SESTD1: variants seen among roughly 807,000 people sequenced by gnomAD.
SESTD1 encodes the protein SEC14 domain and spectrin repeat-containing protein 1.
Under a neutral mutation model 101.7 loss-of-function variants are expected in SESTD1, and 43 were observed. The ratio of observed to expected loss-of-function variants is 0.42; its 90% CI spans 0.33 to 0.55. The LOEUF is 0.55. Among genes scored for constraint, SESTD1 ranks in the 20% least tolerant of loss-of-function variants. The probability of loss-of-function intolerance (pLI) is 0.07; values close to 1 mark genes in which losing one functional copy is unlikely to be tolerated. For missense variants in SESTD1, 647 were observed against 815.1 expected (o/e 0.79, Z 2.51); for synonymous variants, 283 against 286.8 (o/e 0.99, Z 0.13).
rs111428072 is a variant in SESTD1 at position 179,202,453 on chromosome 2, C to T, written c.-25-10587G>A. ...TGTTTTCCTCGAACATAATTTAATTCGGACCCTTGGCTTTTCTTGATATGT... is the reference window on the plus strand; with the variant it reads ...TGTTTTCCTCGAACATAATTTAATTTGGACCCTTGGCTTTTCTTGATATGT... On this transcript the variant is annotated intron_variant, in intron 1 of 17. Transcript: ENST00000428443. Among the ~76,000 whole-genome samples the T allele has an allele frequency of 6.0e-5, 8 of 134,202 alleles. 1 individual carries two copies. The highest frequency in any genetic ancestry group is 1.5e-4 in the African/African-American group (5 of 33,794). 88.0% of individuals were successfully genotyped at this position (134,202 alleles called of 152,430 possible).
intron 9 of SESTD1, among the ~76,000 whole-genome samples, chr2:179,139,763 T>A (rs1204074170): frequency 6.6e-6 from 1 of 152,048 alleles, no homozygotes; most frequent in African/African-American, 2.4e-5. Flanking sequence ...TGACTTCATC[T>A]CCCTTGCCTC....
At chr2:179,117,491 T>C in intron 14 of SESTD1, 41 bp downstream of exon 14, 1 of 1,500,126 alleles carries the variant, frequency 6.7e-7, no homozygotes, top group Non-Finnish European at 8.9e-7. Flanking sequence ...ATCAATCTTC[T>C]AAGAAAAGTT....
intron 9 of SESTD1, among the ~76,000 whole-genome samples, chr2:179,138,266 C>T (rs1050064810): frequency 5.3e-5 from 8 of 152,158 alleles, no homozygotes; most frequent in Non-Finnish European, 8.8e-5. Context: ...AATACATTAA[C>T]GCCTTTGCCC....
intron 2 of SESTD1, among the ~76,000 whole-genome samples, chr2:179,190,062 T>C (rs1334463120): frequency 6.6e-6 from 1 of 151,866 alleles, no homozygotes; most frequent in Non-Finnish European, 1.5e-5. Flanking sequence ...CTAAAGTTCA[T>C]ATGGAAACAA....
At chr2:179,140,823 T>C (rs1046970928) in intron 9 of SESTD1, among the ~76,000 whole-genome samples, 1 of 152,174 alleles carries the variant, frequency 6.6e-6, no homozygotes, top group Non-Finnish European at 1.5e-5. Context: ...TACTCAACCT[T>C]ACAACAGCGT....
At chr2:179,235,178 G>A (rs1007401213) in intron 1 of SESTD1, among the ~76,000 whole-genome samples, 3 of 152,156 alleles carry the variant, frequency 2.0e-5, no homozygotes, top group African/African-American at 4.8e-5. Context: ...TGATACTGAC[G>A]ATTATATTGT....
chr2:179,218,298 A>G (rs1371786900), intron 1 of SESTD1, among the ~76,000 whole-genome samples: 1 of 65,156 alleles, frequency 1.5e-5, no homozygotes, highest in Non-Finnish European at 3.4e-5. Context: ...AAAATACCTT[A>G]AAAAAAAAAC....
intron 1 of SESTD1, chr2:179,264,015 C>T (rs2047520063): frequency 6.6e-6 from 1 of 152,300 alleles, no homozygotes; most frequent in South Asian, 2.1e-4. Context: ...AGGAGCCAGT[C>T]GCGGGCGCTG....
intron 9 of SESTD1, among the ~76,000 whole-genome samples, chr2:179,134,693 G>A (rs1281681204): frequency 6.6e-6 from 1 of 152,008 alleles, no homozygotes; most frequent in Non-Finnish European, 1.5e-5. Flanking sequence ...GTCCAATGAT[G>A]ATGTAATACT....
chr2:179,161,347 A>G (rs555906094), intron 5 of SESTD1, among the ~76,000 whole-genome samples: 1 of 152,296 alleles, frequency 6.6e-6, no homozygotes, highest in South Asian at 2.1e-4. Context: ...ATTCATCACA[A>G]ATCATTTATA....
Position 179,202,623 on chromosome 2 carries a change from C to T in SESTD1, c.-25-10757G>A, listed in dbSNP as rs1044436978. Among the ~76,000 whole-genome samples, 8 of 134,596 alleles carry T rather than the reference C, an allele frequency of 5.9e-5. No homozygotes were observed. The East Asian group carries it at 1.6e-3, about 27-fold the overall frequency. 88.3% of individuals were successfully genotyped at this position (134,596 alleles called of 152,430 possible). A position where few individuals can be genotyped will look rare whatever the true frequency, so the allele number is the denominator to read the frequency against. ...TTTTCAGGTTACCTAAATGGGTTTC[C>T]AATAAGGAAAAACAGTCACAAAGCA... On this transcript the variant is annotated intron_variant, in intron 1 of 17. Transcript: ENST00000428443.
intron 4 of SESTD1, 100 bp from the exon 5 acceptor site, chr2:179,172,333 A>AT (rs1355109426): frequency 3.1e-6 from 2 of 644,852 alleles, no homozygotes; most frequent in South Asian, 3.7e-5. Context: ...TACATAAGAG[A>AT]TTTTTGGAGA....
At chr2:179,212,528 A>C (rs2046664437) in intron 1 of SESTD1, among the ~76,000 whole-genome samples, 1 of 135,954 alleles carries the variant, frequency 7.4e-6, no homozygotes, top group African/African-American at 2.9e-5. Flanking sequence ...AACAAGGCCT[A>C]TTGCCTCTAT....
intron 1 of SESTD1, among the ~76,000 whole-genome samples, chr2:179,237,583 G>A (rs1276776575): frequency 1.3e-5 from 2 of 152,254 alleles, no homozygotes; most frequent in East Asian, 1.9e-4. Flanking sequence ...AAATGGCTAA[G>A]TTTGGAGATA....
At position 179,212,536 on chromosome 2, in the gene SESTD1, T is replaced by C. The variant is rs1373687984; in HGVS notation, c.-25-20670A>G. 2.9e-5 allele frequency among the ~76,000 whole-genome samples: 4 copies of C among 136,126 alleles called. 1 individual carries two copies. The highest frequency in any genetic ancestry group is 4.0e-4 in the East Asian group (2 of 5,060). The allele number at this position is 136,126 out of a possible 152,430, so 89.3% of individuals were successfully genotyped here. On this transcript the variant is annotated intron_variant, in intron 1 of 17. Transcript: ENST00000428443. Reference sequence around the variant, plus strand: ...ACAGCTCAACAAGGCCTATTGCCTCTATAGACTCCACCTCTGTGGGCAGGG... The same window carrying C: ...ACAGCTCAACAAGGCCTATTGCCTCCATAGACTCCACCTCTGTGGGCAGGG...
At position 179,264,441 on chromosome 2, in the gene SESTD1, A is replaced by T. The variant is rs1457449027; in HGVS notation, c.-26+58T>A. ...CCGACTGCACCGGCCCAAGCCGGCC[A>T]CCCGGCCGCGGGGCCTGCGCGCTTC... On this transcript the variant is annotated intron_variant, in intron 1 of 17. Coordinates refer to ENST00000428443, the MANE Select transcript of SESTD1 (RefSeq NM_178123.5). 6 of 150,428 alleles carry T rather than the reference A, an allele frequency of 4.0e-5. No homozygotes were observed. In the South Asian group the frequency reaches 1.2e-3, roughly 30 times the overall value. The allele number at this position is 150,428 out of a possible 1,614,324, so 9.3% of individuals were successfully genotyped here. A position where few individuals can be genotyped will look rare whatever the true frequency, so the allele number is the denominator to read the frequency against.
intron 13 of SESTD1, among the ~76,000 whole-genome samples, chr2:179,121,049 T>A (rs1018417053): frequency 6.6e-6 from 1 of 152,188 alleles, no homozygotes; most frequent in Admixed American, 6.5e-5. Flanking sequence ...TCCTCTGTGG[T>A]GACAGAATAA....
At chr2:179,240,020 A>T (rs2047127095) in intron 1 of SESTD1, among the ~76,000 whole-genome samples, 1 of 152,364 alleles carries the variant, frequency 6.6e-6, no homozygotes, top group South Asian at 2.1e-4. Flanking sequence ...AACAGCTTGC[A>T]GATTACAAGG....
intron 1 of SESTD1, among the ~76,000 whole-genome samples, chr2:179,220,798 C>A (rs1028771067): frequency 6.6e-6 from 1 of 152,162 alleles, no homozygotes; most frequent in African/African-American, 2.4e-5. Context: ...TGGGTCATTA[C>A]AAAACCTCAT....
Sources: gnomAD v4.1 joint callset for allele counts (sites outside exome capture counted in the v4.1 genomes callset) on GRCh38, gnomAD v4.1.1 for gene constraint, MANE v1.5 for transcripts, NCBI Gene and HGNC (gene_info 2026-07-23, HGNC 2026-07-21) for gene names.